The following MYRIP variants were observed in gnomAD, a reference collection of about 807,000 sequenced individuals.
MYRIP encodes the protein rab effector MyRIP.
Under a neutral mutation model 98.0 loss-of-function variants are expected in MYRIP, and 49 were observed. The ratio of observed to expected loss-of-function variants is 0.50; its 90% CI spans 0.40 to 0.63. The LOEUF is 0.63. MYRIP is among the 30% of genes least tolerant of loss of function. The pLI is 0.00. For missense variants in MYRIP, 1,004 were observed against 1,058.2 expected (o/e 0.95, Z 0.71); for synonymous variants, 404 against 409.5 (o/e 0.99, Z 0.16).
At chr3:40,255,760 A>G (rs947214506) in intron 16 of MYRIP, among the ~76,000 whole-genome samples, 1 of 152,244 alleles carries the variant, frequency 6.6e-6, no homozygotes, top group African/African-American at 2.4e-5. Flanking sequence ...AGCCTTTGAC[A>G]GCCCAAATAA....
At chr3:40,024,351 T>C (rs1947073770) in intron 2 of MYRIP, among the ~76,000 whole-genome samples, 1 of 152,144 alleles carries the variant, frequency 6.6e-6, no homozygotes, top group Non-Finnish European at 1.5e-5. Context: ...TGGAGGAGGC[T>C]GCCCTGAGCT....
At chr3:40,028,629 T>C (rs1947189378) in intron 2 of MYRIP, among the ~76,000 whole-genome samples, 1 of 152,150 alleles carries the variant, frequency 6.6e-6, no homozygotes, top group African/African-American at 2.4e-5. Context: ...TTTTGGTAAG[T>C]GATGAGCCCA....
chr3:40,209,888 A>G lies in MYRIP; in HGVS notation c.1700A>G (p.Asn567Ser), dbSNP rs764522848. The G allele has an allele frequency of 1.6e-5, 26 of 1,613,870 alleles. No homozygotes were observed. In the South Asian group the frequency reaches 2.3e-4, roughly 14 times the overall value. The change falls in exon 11 of 17, where the codon AAT becomes AGT. Residue 567 changes from asparagine to serine, a missense_variant. This residue lies in a region of MYRIP where 880 missense variants were observed against 907.7 expected (regional missense o/e 0.97). Coordinates refer to ENST00000302541, the MANE Select transcript of MYRIP (RefSeq NM_015460.4). ...SDDLSETDIS[N>S]EARDPQTLTD... ...GATTTATCAGAGACAGACATCAGCA[A>G]TGAGGCTCGGGATCCCCAGACTCTC... is the stretch of plus-strand genomic sequence containing the variant.
At chr3:40,161,011 C>T (rs1950380774) in intron 4 of MYRIP, among the ~76,000 whole-genome samples, 1 of 152,300 alleles carries the variant, frequency 6.6e-6, no homozygotes, top group South Asian at 2.1e-4. Context: ...TCCTATTCGA[C>T]CATCTTGGCT....
intron 1 of MYRIP, among the ~76,000 whole-genome samples, chr3:39,817,760 G>T (rs924993099): frequency 1.3e-5 from 2 of 152,058 alleles, no homozygotes; most frequent in Non-Finnish European, 2.9e-5. Flanking sequence ...GTATAGTGTG[G>T]TTCTAAGAAC....
chr3:40,074,080 T>TC (rs1170431847), intron 3 of MYRIP, among the ~76,000 whole-genome samples: 1 of 150,184 alleles, frequency 6.7e-6, no homozygotes, highest in African/African-American at 2.4e-5. Context: ...TTAGAAACTT[T>TC]TTTTTTTTTT....
At chr3:40,155,404 G>C (rs1302614095) in intron 4 of MYRIP, among the ~76,000 whole-genome samples, 1 of 151,358 alleles carries the variant, frequency 6.6e-6, no homozygotes, top group African/African-American at 2.4e-5. Context: ...TTGGACATTT[G>C]GGTTGGTTCC....
chr3:39,822,037 A>T (rs780043386), intron 1 of MYRIP, among the ~76,000 whole-genome samples: 1 of 152,178 alleles, frequency 6.6e-6, no homozygotes, highest in Non-Finnish European at 1.5e-5. Flanking sequence ...TATTAATTTC[A>T]TCTTGTGCTT....
At chr3:39,958,060 C>T (rs1158071597) in intron 2 of MYRIP, among the ~76,000 whole-genome samples, 1 of 152,184 alleles carries the variant, frequency 6.6e-6, no homozygotes, top group Non-Finnish European at 1.5e-5. Context: ...ACATTCCATG[C>T]TCATGGATAA....
intron 2 of MYRIP, among the ~76,000 whole-genome samples, chr3:40,012,870 C>T (rs1238010959): frequency 6.6e-6 from 1 of 152,158 alleles, no homozygotes; most frequent in African/African-American, 2.4e-5. Flanking sequence ...AGTTCTCGGC[C>T]CCCATAATTG....
intron 16 of MYRIP, among the ~76,000 whole-genome samples, chr3:40,255,691 A>AGATAGTAGAGCAACACAATT (rs1476218276): frequency 6.6e-6 from 1 of 151,024 alleles, no homozygotes; most frequent in Non-Finnish European, 1.5e-5. Flanking sequence ...TTGATTTGGC[A>AGATAGTAGAGCAACACAATT]GATAGTAGAG....
chr3:40,180,529 T>C (rs1359066483), intron 8 of MYRIP, among the ~76,000 whole-genome samples: 2 of 152,114 alleles, frequency 1.3e-5, no homozygotes, highest in Non-Finnish European at 2.9e-5. Context: ...AAGGGGGCAA[T>C]TGGTAGATTT....
chr3:40,186,063 G>T lies in MYRIP; in HGVS notation c.1027+3690G>T, dbSNP rs535392061. On this transcript the variant is annotated intron_variant, in intron 9 of 16. Transcript: ENST00000302541. Reference sequence around the variant, plus strand: ...AACCAAGAAAATAAACTATAATATAGTTTGAGTGTTAAGAAATGAAAGCTT... The same window carrying T: ...AACCAAGAAAATAAACTATAATATATTTTGAGTGTTAAGAAATGAAAGCTT... 2.6e-4 allele frequency among the ~76,000 whole-genome samples: 39 copies of T among 152,250 alleles called. No individual in the cohort carries two copies. The South Asian group carries it at 7.5e-3, about 29-fold the overall frequency.
At position 39,942,037 on chromosome 3, in the gene MYRIP, C is replaced by T. The variant is rs189843333; in HGVS notation, c.110+41111C>T. 1.6e-4 allele frequency among the ~76,000 whole-genome samples: 25 copies of T among 152,282 alleles called. No homozygotes were observed. The East Asian group carries it at 4.4e-3, about 27-fold the overall frequency. On this transcript the variant is annotated intron_variant, in intron 2 of 16. Coordinates refer to ENST00000302541, the MANE Select transcript of MYRIP (RefSeq NM_015460.4). ...AAATGTCATGGACAACATCCAAGAACATGCCCTGTGTTGAGTTCTTTATGG... is the reference window on the plus strand; with the variant it reads ...AAATGTCATGGACAACATCCAAGAATATGCCCTGTGTTGAGTTCTTTATGG...
At chr3:40,184,706 G>C (rs931638490) in intron 9 of MYRIP, among the ~76,000 whole-genome samples, 3 of 152,156 alleles carry the variant, frequency 2.0e-5, no homozygotes, top group Admixed American at 2.0e-4. Flanking sequence ...TTTCCAACTG[G>C]ATTATGAGCA....
At chr3:40,137,642 A>C (rs1354034647) in intron 3 of MYRIP, among the ~76,000 whole-genome samples, 1 of 152,240 alleles carries the variant, frequency 6.6e-6, no homozygotes. Flanking sequence ...TCAATAAAAT[A>C]CTGGCAAACC....
At chr3:39,962,737 G>A (rs1484600343) in intron 2 of MYRIP, among the ~76,000 whole-genome samples, 1 of 151,974 alleles carries the variant, frequency 6.6e-6, no homozygotes, top group Non-Finnish European at 1.5e-5. Flanking sequence ...AGAGAATCAG[G>A]GCCTCATGTT....
At chr3:40,242,934 C>A (rs1461614754) in intron 12 of MYRIP, among the ~76,000 whole-genome samples, 1 of 151,726 alleles carries the variant, frequency 6.6e-6, no homozygotes, top group Non-Finnish European at 1.5e-5. Flanking sequence ...CACTCAAATA[C>A]CTTTGAAATA....
At chr3:40,153,784 G>T (rs1950165539) in intron 4 of MYRIP, among the ~76,000 whole-genome samples, 1 of 152,170 alleles carries the variant, frequency 6.6e-6, no homozygotes, top group African/African-American at 2.4e-5. Flanking sequence ...AGGACTCTCA[G>T]TGTAAAACTC....
Sources: gnomAD v4.1 joint callset for allele counts (sites outside exome capture counted in the v4.1 genomes callset) on GRCh38, gnomAD v4.1.1 for gene constraint, gnomAD v4.1.1 regional missense constraint, MANE v1.5 for transcripts, NCBI Gene and HGNC (gene_info 2026-07-23, HGNC 2026-07-21) for gene names.